The following TPO variants were observed in gnomAD, a reference collection of about 807,000 sequenced individuals.
The protein encoded by TPO is thyroid microsomal antigen.
In TPO, 78 loss-of-function variants were observed where a neutral mutation model predicts 96.9. That is an observed-to-expected ratio of 0.81 (90% CI 0.67 to 0.97). The LOEUF is 0.97. TPO is among the 50% of genes least tolerant of loss of function. TPO has a pLI of 0.00. For missense variants in TPO, 1,252 were observed against 1,274.8 expected, an observed-to-expected ratio of 0.98 and a Z score of 0.27; for synonymous variants, 547 against 538.0, an observed-to-expected ratio of 1.02 and a Z score of -0.23.
rs757283013 is a variant in TPO at position 1,496,196 on chromosome 2, A to G, written c.2214A>G (p.Gln738=). 6 of 1,613,784 alleles carry G rather than the reference A, an allele frequency of 3.7e-6. No homozygotes were observed. Among genetic ancestry groups the G allele is most frequent in the Middle Eastern group, 1.7e-4 (1 of 6,060 alleles). The change falls in exon 12 of 17, where the codon CAA becomes CAG. Residue 738 remains glutamine, a splice_region_variant and synonymous_variant. Coordinates refer to ENST00000329066, the MANE Select transcript of TPO (RefSeq NM_001206744.2). Reference sequence around the variant, plus strand: ...AGGCCTGGAGGGAAACCTTTCCTCAAGGTGAAGTTCGGTCTCCTCTCACAC... The same window carrying G: ...AGGCCTGGAGGGAAACCTTTCCTCAGGGTGAAGTTCGGTCTCCTCTCACAC... ...NLEAWRETFP[Q]DDKCGFPESV...
intron 7 of TPO, among the ~76,000 whole-genome samples, chr2:1,462,648 C>T (rs1479615900): frequency 3.3e-5 from 5 of 152,042 alleles, no homozygotes; most frequent in Non-Finnish European, 5.9e-5. Flanking sequence ...ATTGAGAAAT[C>T]ATTTGCATCC....
chr2:1,522,366 G>A (rs375665547), intron 15 of TPO, among the ~76,000 whole-genome samples: 1 of 28,314 alleles, frequency 3.5e-5, no homozygotes, highest in African/African-American at 1.3e-4. Context: ...ACCCCACACC[G>A]GCCCGCCACC....
At chr2:1,494,881 CTT>C (rs1260730645) in intron 11 of TPO, among the ~76,000 whole-genome samples, 1 of 152,168 alleles carries the variant, frequency 6.6e-6, no homozygotes, top group Non-Finnish European at 1.5e-5. Context: ...CCCAGTGTGA[CTT>C]TTATCTCTAA....
chr2:1,501,612 G>A (rs146166270), intron 13 of TPO, among the ~76,000 whole-genome samples: 8 of 152,288 alleles, frequency 5.3e-5, no homozygotes, highest in African/African-American at 1.2e-4. Flanking sequence ...TGCAGGTGCC[G>A]TCGAGTTAAA....
At chr2:1,377,403 T>G (rs1236558016) in intron 1 of TPO, among the ~76,000 whole-genome samples, 1 of 152,218 alleles carries the variant, frequency 6.6e-6, no homozygotes, top group Non-Finnish European at 1.5e-5. Context: ...TTTCAAAAGT[T>G]AGCCTCGAGG....
chr2:1,532,955 TC>T (rs1436368118), intron 15 of TPO, among the ~76,000 whole-genome samples: 3 of 95,266 alleles, frequency 3.1e-5, no homozygotes, highest in African/African-American at 4.9e-5. Flanking sequence ...CCTCCTCAAA[TC>T]CCCCCACTGT....
intron 2 of TPO, among the ~76,000 whole-genome samples, chr2:1,414,844 T>A (rs1227469421): frequency 6.6e-6 from 1 of 152,244 alleles, no homozygotes; most frequent in Non-Finnish European, 1.5e-5. Flanking sequence ...TTTTCTGGAA[T>A]CAGTGTGCTA....
At chr2:1,473,749 C>A (rs1051157916) in intron 7 of TPO, among the ~76,000 whole-genome samples, 1 of 151,736 alleles carries the variant, frequency 6.6e-6, no homozygotes, top group Admixed American at 6.6e-5. Flanking sequence ...TGATTTTGAT[C>A]AACTTTTTTG....
intron 9 of TPO, among the ~76,000 whole-genome samples, chr2:1,485,069 C>A (rs1671016754): frequency 6.6e-6 from 1 of 151,792 alleles, no homozygotes. Flanking sequence ...ACCCCCACCC[C>A]ACGACAGACG....
Position 1,487,990 on chromosome 2 carries a change from A to C in TPO, c.1767A>C (p.Pro589=), listed in dbSNP as rs1179073887. ...AGAGGGGCCGGGACCACGGGCTGCC[A>C]GGTCTGCCAGTTCCTTCCCTTGCAC... ...NLQRGRDHGL[P]GYNEWREFCG... is the part of the protein sequence containing the mutation. The change falls in exon 10 of 17, where the codon CCA becomes CCC. Residue 589 remains proline (P), a splice_region_variant and synonymous_variant. Coordinates refer to ENST00000329066, the MANE Select transcript of TPO (RefSeq NM_001206744.2). The C allele has an allele frequency of 6.2e-7, 1 of 1,612,812 alleles. No individual in the cohort carries two copies. The highest frequency in any genetic ancestry group is 8.5e-7 in the Non-Finnish European group (1 of 1,180,036).
At chr2:1,379,345 A>C (rs1181857770) in intron 1 of TPO, among the ~76,000 whole-genome samples, 2 of 152,118 alleles carry the variant, frequency 1.3e-5, no homozygotes, top group Non-Finnish European at 2.9e-5. Context: ...CATAAGAGTG[A>C]GTGAGCTCTG....
At chr2:1,515,472 G>A (rs1056352919) in intron 14 of TPO, among the ~76,000 whole-genome samples, 3 of 152,214 alleles carry the variant, frequency 2.0e-5, no homozygotes, top group Non-Finnish European at 4.4e-5. Flanking sequence ...AAGGCTAAGA[G>A]GACAGGATCG....
chr2:1,460,802 G>A (rs964042633), intron 7 of TPO, among the ~76,000 whole-genome samples: 3 of 152,132 alleles, frequency 2.0e-5, no homozygotes, highest in Non-Finnish European at 4.4e-5. Flanking sequence ...TACTCTGTGT[G>A]GAGGTTGGGC....
At chr2:1,386,517 G>A (rs1558243142) in intron 1 of TPO, among the ~76,000 whole-genome samples, 1 of 152,258 alleles carries the variant, frequency 6.6e-6, no homozygotes, top group East Asian at 1.9e-4. Flanking sequence ...TGTTTTATCT[G>A]AGACTAGGAT....
chr2:1,462,366 C>G (rs538239278), intron 7 of TPO, among the ~76,000 whole-genome samples: 12 of 151,954 alleles, frequency 7.9e-5, no homozygotes, highest in Non-Finnish European at 1.2e-4. Flanking sequence ...CCTCAGGGGA[C>G]GACTTGAAAA....
chr2:1,515,732 C>T (rs1340541064), intron 14 of TPO, among the ~76,000 whole-genome samples: 1 of 152,078 alleles, frequency 6.6e-6, no homozygotes, highest in African/African-American at 2.4e-5. Context: ...CCCACAGACG[C>T]ATTCATCACC....
chr2:1,513,023 C>T (rs1041331993), intron 14 of TPO, among the ~76,000 whole-genome samples: 2 of 152,266 alleles, frequency 1.3e-5, no homozygotes, highest in African/African-American at 2.4e-5. Context: ...TGCTCCCGTG[C>T]AAGCAGCCGT....
chr2:1,510,322 A>C (rs1673970874), intron 14 of TPO, among the ~76,000 whole-genome samples: 2 of 152,216 alleles, frequency 1.3e-5, no homozygotes, highest in South Asian at 2.1e-4. Context: ...AGGTGAAGGC[A>C]GTGGGGCATT....
intron 6 of TPO, among the ~76,000 whole-genome samples, chr2:1,455,083 C>A (rs954526347): frequency 6.6e-6 from 1 of 152,134 alleles, no homozygotes; most frequent in African/African-American, 2.4e-5. Context: ...CACCTCCTTC[C>A]AAGCCGGCAA....
Sources: allele counts gnomAD v4.1 joint callset (sites outside exome capture counted in the v4.1 genomes callset), GRCh38; gene constraint gnomAD v4.1.1; transcripts MANE v1.5; gene names NCBI Gene and HGNC (gene_info 2026-07-23, HGNC 2026-07-21).